The following H1-6 variants were observed in gnomAD, a reference collection of about 807,000 sequenced individuals.
H1-6 encodes histone H1t.
For missense variants in H1-6, 538 were observed against 246.5 expected, an observed-to-expected ratio of 2.18 and a Z score of -7.92; for synonymous variants, 225 against 100.1, an observed-to-expected ratio of 2.25 and a Z score of -7.45.
At position 26,107,984 on chromosome 6, in the gene H1-6, C is replaced by T. The variant is rs760119608; in HGVS notation, c.110G>A (p.Arg37His). 1.9e-5 allele frequency: 30 copies of T among 1,614,078 alleles called. No homozygotes were observed. The highest frequency in any genetic ancestry group is 5.0e-5 in the Admixed American group (3 of 60,006). Residue 37 changes from arginine (R) to histidine (H), a missense_variant, in exon 1 of 1, where the codon CGC becomes CAC. By Grantham distance (29) the Arg-to-His change is conservative. Coordinates refer to ENST00000338379, the MANE Select transcript of H1-6 (RefSeq NM_005323.4). Reference sequence around the variant, plus strand: ...GGACACAGAGAGGTTCGGCACTTTGCGACTTGCACTTATCAAGCCAGCCGG... The same window carrying T: ...GGACACAGAGAGGTTCGGCACTTTGTGACTTGCACTTATCAAGCCAGCCGG... ...RKPAGLISAS[R>H]KVPNLSVSKL...
Position 26,108,134 on chromosome 6 carries a change from A to G in H1-6, c.-41T>C, listed in dbSNP as rs763563413. On this transcript the variant is annotated 5_prime_UTR_variant, in exon 1 of 1. The change abolishes an upstream ATG in the 5' untranslated region. Transcript: ENST00000338379. ...CAAGATGTAATAACCAGCGAAAAGC[A>G]TGAAACACCCGGGCGGCCTCGGGGC... 1.6e-5 allele frequency: 25 copies of G among 1,598,448 alleles called. No individual in the cohort carries two copies. Among genetic ancestry groups the G allele is most frequent in the Admixed American group, 3.4e-5 (2 of 58,858 alleles).
Position 26,108,087 on chromosome 6 carries a change from C to G in H1-6, c.7G>C (p.Glu3Gln), listed in dbSNP as rs1763312727. The change falls in exon 1 of 1, where the codon GAA becomes CAA. Residue 3 changes from glutamate (E) to glutamine (Q), a missense_variant. Glu to Gln is a conservative substitution (Grantham distance 29, BLOSUM62 2). Transcript: ENST00000338379. MS[E>Q]TVPAASASAG... Reference sequence around the variant, plus strand: ...CTGGCAGAAGCTGCAGGCACGGTTTCAGACATAACAACAGAGAAACGCAAG... The same window carrying G: ...CTGGCAGAAGCTGCAGGCACGGTTTGAGACATAACAACAGAGAAACGCAAG... The G allele has an allele frequency of 6.2e-7, 1 of 1,613,768 alleles. No individual in the cohort carries two copies. The highest frequency in any genetic ancestry group is 2.2e-5 in the East Asian group (1 of 44,870).
In H1-6 at chr6:26,108,047, G is replaced by A. The variant is rs745789402; in HGVS notation, c.47C>T (p.Ala16Val). ...CTTCTTGGTTGGAAGTTTCTCCATAGCGGCTACACCAGCACTGGCAGAAGC... is the reference window on the plus strand; with the variant it reads ...CTTCTTGGTTGGAAGTTTCTCCATAACGGCTACACCAGCACTGGCAGAAGC... ...PAASASAGVA[A>V]MEKLPTKKRG... Residue 16 changes from alanine to valine, a missense_variant, in exon 1 of 1, where the codon GCT (alanine) becomes GTT (valine). By Grantham distance (64) the Ala-to-Val change is moderately conservative. Transcript: ENST00000338379. 6 of 1,614,182 alleles carry A rather than the reference G, an allele frequency of 3.7e-6. No individual in the cohort carries two copies. Among genetic ancestry groups the A allele is most frequent in the Non-Finnish European group, 5.1e-6 (6 of 1,180,022 alleles).
In H1-6 at chr6:26,108,048, C is replaced by A. The variant is rs769794056; in HGVS notation, c.46G>T (p.Ala16Ser). Reference sequence around the variant, plus strand: ...TTCTTGGTTGGAAGTTTCTCCATAGCGGCTACACCAGCACTGGCAGAAGCT... The same window carrying A: ...TTCTTGGTTGGAAGTTTCTCCATAGAGGCTACACCAGCACTGGCAGAAGCT... ...PAASASAGVAAMEKLPTKKRG... is the reference protein window; with the variant it reads ...PAASASAGVASMEKLPTKKRG... Residue 16 changes from alanine to serine, a missense_variant, in exon 1 of 1, where the codon GCT (alanine) becomes TCT (serine). Physicochemically the swap from Ala to Ser is moderately conservative, Grantham distance 99. Transcript: ENST00000338379. 21 of 1,614,016 alleles carry A rather than the reference C, an allele frequency of 1.3e-5. No homozygotes were observed. In the East Asian group the frequency reaches 4.0e-4, roughly 31 times the overall value.
Position 26,107,897 on chromosome 6 carries a change from A to G in H1-6, c.197T>C (p.Leu66Pro). Residue 66 changes from leucine to proline, a missense_variant, in exon 1 of 1, where the codon CTC becomes CCC. Transcript: ENST00000338379. ...GCCAGCAGCGGCCAATGCCTTCTTG[A>G]GCGCAACCAAAGACATACCTACTCG... The part of the protein sequence containing the change: ...QERVGMSLVA[L>P]KKALAAAGYD... The G allele has an allele frequency of 6.2e-7, 1 of 1,614,226 alleles. No homozygotes were observed.
rs1157639961 is a variant in H1-6, at chr6:26,107,587, C to T, written c.507G>A (p.Lys169=). 4 of 1,614,062 alleles carry T rather than the reference C, an allele frequency of 2.5e-6. No individual in the cohort carries two copies. In the African/African-American group the frequency reaches 5.3e-5, roughly 22 times the overall value. Residue 169 remains lysine (K), a synonymous_variant, in exon 1 of 1, where the codon AAG becomes AAA. Coordinates refer to ENST00000338379, the MANE Select transcript of H1-6 (RefSeq NM_005323.4). ...TTPKTVRSGR[K]AKGAKGKQQQ... Reference sequence around the variant, plus strand: ...GTTGCTTACCCTTGGCTCCTTTAGCCTTTCTCCCGCTCCTAACAGTTTTAG... The same window carrying T: ...GTTGCTTACCCTTGGCTCCTTTAGCTTTTCTCCCGCTCCTAACAGTTTTAG...
chr6:26,108,040 C>A lies in H1-6; in HGVS notation c.54G>T (p.Glu18Asp). 1.2e-6 allele frequency: 2 copies of A among 1,614,206 alleles called. No homozygotes were observed. Among genetic ancestry groups the A allele is most frequent in the South Asian group, 1.1e-5 (1 of 91,084 alleles). Residue 18 changes from glutamate (E) to aspartate (D), a missense_variant, in exon 1 of 1, where the codon GAG (glutamate) becomes GAT (aspartate). By Grantham distance (45) the Glu-to-Asp change is conservative. Coordinates refer to ENST00000338379, the MANE Select transcript of H1-6 (RefSeq NM_005323.4). Reference sequence around the variant, plus strand: ...TCCCTCGCTTCTTGGTTGGAAGTTTCTCCATAGCGGCTACACCAGCACTGG... The same window carrying A: ...TCCCTCGCTTCTTGGTTGGAAGTTTATCCATAGCGGCTACACCAGCACTGG... ...ASASAGVAAMEKLPTKKRGRK... is the reference protein window; with the variant it reads ...ASASAGVAAMDKLPTKKRGRK...
rs778073710 is a variant in H1-6 at position 26,107,618 on chromosome 6, G to T, written c.476C>A (p.Thr159Lys). 6.2e-7 allele frequency: 1 copy of T among 1,614,162 alleles called. No individual in the cohort carries two copies. The highest frequency in any genetic ancestry group is 8.5e-7 in the Non-Finnish European group (1 of 1,180,034). The change falls in exon 1 of 1, where the codon ACA becomes AAA. Residue 159 changes from threonine to lysine, a missense_variant. Thr to Lys is a moderately conservative substitution (Grantham distance 78, BLOSUM62 -1). Coordinates refer to ENST00000338379, the MANE Select transcript of H1-6 (RefSeq NM_005323.4). ...CCCGCTCCTAACAGTTTTAGGAGTT[G>T]TCGCTCTCGGCTTCTTGGCTCTCTT... The part of the protein sequence containing the change: ...TNKRAKKPRA[T>K]TPKTVRSGRK...
Position 26,108,058 on chromosome 6 carries a change from A to C in H1-6, c.36T>G (p.Ala12=), listed in dbSNP as rs1561951295. The part of the protein sequence containing the change: ...SETVPAASAS[A]GVAAMEKLPT... Reference sequence around the variant, plus strand: ...GAAGTTTCTCCATAGCGGCTACACCAGCACTGGCAGAAGCTGCAGGCACGG... The same window carrying C: ...GAAGTTTCTCCATAGCGGCTACACCCGCACTGGCAGAAGCTGCAGGCACGG... The change falls in exon 1 of 1, where the codon GCT becomes GCG. Residue 12 remains alanine, a synonymous_variant. Transcript: ENST00000338379. The C allele has an allele frequency of 6.2e-7, 1 of 1,614,072 alleles. No individual in the cohort carries two copies. The highest frequency in any genetic ancestry group is 8.5e-7 in the Non-Finnish European group (1 of 1,180,030).
chr6:26,107,565 G>A lies in H1-6; in HGVS notation c.529C>T (p.Gln177Ter), dbSNP rs76722423. 4 of 1,613,954 alleles carry A rather than the reference G, an allele frequency of 2.5e-6. No homozygotes were observed. Among genetic ancestry groups the A allele is most frequent in the East Asian group, 2.2e-5 (1 of 44,896 alleles). ...GCCTTCACTGGGCTCTTCTGCTGTT[G>A]CTTACCCTTGGCTCCTTTAGCCTTT... Reference protein sequence around the residue: ...GRKAKGAKGKQQQKSPVKARA... With the variant: ...GRKAKGAKGK The change falls in exon 1 of 1, where the codon CAA (glutamine) becomes TAA (stop). Residue 177 changes from glutamine to a stop codon, truncating the protein, a stop_gained. Transcript: ENST00000338379. LOFTEE classifies it low-confidence loss of function (END_TRUNC).
In H1-6 at chr6:26,107,622, C is replaced by T; in HGVS notation, c.472G>A (p.Ala158Thr). 1.2e-6 allele frequency: 2 copies of T among 1,614,176 alleles called. No homozygotes were observed. The highest frequency in any genetic ancestry group is 1.7e-5 in the Admixed American group (1 of 60,014). ...KTNKRAKKPRATTPKTVRSGR... is the reference protein window; with the variant it reads ...KTNKRAKKPRTTTPKTVRSGR... Reference sequence around the variant, plus strand: ...CTCCTAACAGTTTTAGGAGTTGTCGCTCTCGGCTTCTTGGCTCTCTTATTG... The same window carrying T: ...CTCCTAACAGTTTTAGGAGTTGTCGTTCTCGGCTTCTTGGCTCTCTTATTG... The change falls in exon 1 of 1, where the codon GCG becomes ACG. Residue 158 changes from alanine to threonine, a missense_variant. Coordinates refer to ENST00000338379, the MANE Select transcript of H1-6 (RefSeq NM_005323.4).
At position 26,107,902 on chromosome 6, in the gene H1-6, A is replaced by G. The variant is rs1763299485; in HGVS notation, c.192T>C (p.Val64=). ...VSQERVGMSL[V]ALKKALAAAG... Reference sequence around the variant, plus strand: ...CAGCGGCCAATGCCTTCTTGAGCGCAACCAAAGACATACCTACTCGTTCCT... The same window carrying G: ...CAGCGGCCAATGCCTTCTTGAGCGCGACCAAAGACATACCTACTCGTTCCT... Residue 64 remains valine (V), a synonymous_variant, in exon 1 of 1, where the codon GTT becomes GTC. Transcript: ENST00000338379. 1 of 1,614,088 alleles carries G rather than the reference A, an allele frequency of 6.2e-7. No individual in the cohort carries two copies. Among genetic ancestry groups the G allele is most frequent in the African/African-American group, 1.3e-5 (1 of 74,924 alleles).
At position 26,107,594 on chromosome 6, in the gene H1-6, C is replaced by T. The variant is rs1384996067; in HGVS notation, c.500G>A (p.Gly167Glu). The T allele has an allele frequency of 1.9e-6, 3 of 1,614,190 alleles. No homozygotes were observed. The highest frequency in any genetic ancestry group is 1.7e-5 in the Admixed American group (1 of 60,024). ...ACCCTTGGCTCCTTTAGCCTTTCTC[C>T]CGCTCCTAACAGTTTTAGGAGTTGT... ...RATTPKTVRS[G>E]RKAKGAKGKQ... is the part of the protein sequence containing the mutation. The change falls in exon 1 of 1, where the codon GGG (glycine) becomes GAG (glutamate). Residue 167 changes from glycine (G) to glutamate (E), a missense_variant. Physicochemically the swap from Gly to Glu is moderately conservative, Grantham distance 98. Coordinates refer to ENST00000338379, the MANE Select transcript of H1-6 (RefSeq NM_005323.4).
rs1292688890 is a variant in H1-6, at chr6:26,107,613, G to A, written c.481C>T (p.Pro161Ser). 1.2e-6 allele frequency: 2 copies of A among 1,614,034 alleles called. No individual in the cohort carries two copies. Among genetic ancestry groups the A allele is most frequent in the South Asian group, 1.1e-5 (1 of 91,090 alleles). ...KRAKKPRATT[P>S]KTVRSGRKAK... Reference sequence around the variant, plus strand: ...TTTCTCCCGCTCCTAACAGTTTTAGGAGTTGTCGCTCTCGGCTTCTTGGCT... The same window carrying A: ...TTTCTCCCGCTCCTAACAGTTTTAGAAGTTGTCGCTCTCGGCTTCTTGGCT... The change falls in exon 1 of 1, where the codon CCT becomes TCT. Residue 161 changes from proline (P) to serine (S), a missense_variant. Pro to Ser is a moderately conservative substitution (Grantham distance 74, BLOSUM62 -1). Transcript: ENST00000338379.
Position 26,107,941 on chromosome 6 carries a change from G to T in H1-6, c.153C>A (p.Ala51=), listed in dbSNP as rs567017585. The T allele has an allele frequency of 6.9e-5, 111 of 1,614,158 alleles. 1 individual carries two copies. The South Asian group carries it at 8.6e-4, about 12-fold the overall frequency. ...CTACTCGTTCCTGTGACACTGAAAG[G>T]GCCTCGGTGATCAACTTGGACACAG... ...NLSVSKLITE[A]LSVSQERVGM... Residue 51 remains alanine, a synonymous_variant, in exon 1 of 1, where the codon GCC becomes GCA. Transcript: ENST00000338379.
Position 26,107,515 on chromosome 6 carries a change from G to T in H1-6, c.579C>A (p.Thr193=), listed in dbSNP as rs754811298. 6.2e-6 allele frequency: 10 copies of T among 1,610,518 alleles called. No homozygotes were observed. The highest frequency in any genetic ancestry group is 7.6e-6 in the Non-Finnish European group (9 of 1,178,916). Residue 193 remains threonine (T), a synonymous_variant, in exon 1 of 1, where the codon ACC becomes ACA. Coordinates refer to ENST00000338379, the MANE Select transcript of H1-6 (RefSeq NM_005323.4). ...VKARASKSKL[T]QHHEVNVRKA... The stretch of plus-strand genomic sequence containing the variant: ...TTCTAACATTAACTTCATGATGTTG[G>T]GTCAATTTTGACTTCGAAGCCCTTG...
rs1328073629 is a variant in H1-6 at position 26,107,774 on chromosome 6, C to T, written c.320G>A (p.Gly107Asp). The change falls in exon 1 of 1, where the codon GGT (glycine) becomes GAT (aspartate). Residue 107 changes from glycine (G) to aspartate (D), a missense_variant. By Grantham distance (94) the Gly-to-Asp change is moderately conservative. Transcript: ENST00000338379. ...CACCTTCTTACTAAGCTTAAAGGAA[C>T]CGGAAGCACCAGTACCCCTGGTTTG... ...LVQTRGTGAS[G>D]SFKLSKKVIP... 3 of 1,614,082 alleles carry T rather than the reference C, an allele frequency of 1.9e-6. No homozygotes were observed. The highest frequency in any genetic ancestry group is 2.5e-6 in the Non-Finnish European group (3 of 1,180,044).
Position 26,107,683 on chromosome 6 carries a change from T to TA in H1-6, c.410dup (p.Leu137PhefsTer12). ...TCTTTGGTGACTTGGAGTCCCTGGA[T>TA]AAAACCAGCTTCTTGGTCTTGGCAG... On this transcript the variant is annotated frameshift_variant, in exon 1 of 1. Transcript: ENST00000338379. LOFTEE classifies it low-confidence loss of function (END_TRUNC). 6.2e-7 allele frequency: 1 copy of TA among 1,614,218 alleles called. No individual in the cohort carries two copies. The highest frequency in any genetic ancestry group is 8.5e-7 in the Non-Finnish European group (1 of 1,180,040).
chr6:26,108,026 T>C lies in H1-6; in HGVS notation c.68A>G (p.Lys23Arg), dbSNP rs1561951246. Reference sequence around the variant, plus strand: ...GCCAGCCGGCTTCCTCCCTCGCTTCTTGGTTGGAAGTTTCTCCATAGCGGC... The same window carrying C: ...GCCAGCCGGCTTCCTCCCTCGCTTCCTGGTTGGAAGTTTCTCCATAGCGGC... ...GVAAMEKLPT[K>R]KRGRKPAGLI... is the part of the protein sequence containing the mutation. Residue 23 changes from lysine to arginine, a missense_variant, in exon 1 of 1, where the codon AAG (lysine) becomes AGG (arginine). Transcript: ENST00000338379. 5.0e-6 allele frequency: 8 copies of C among 1,614,200 alleles called. No homozygotes were observed. The highest frequency in any genetic ancestry group is 5.9e-6 in the Non-Finnish European group (7 of 1,180,022).
Sources: allele counts gnomAD v4.1 joint callset, GRCh38; gene constraint gnomAD v4.1.1; transcripts MANE v1.5; gene names NCBI Gene and HGNC (gene_info 2026-07-23, HGNC 2026-07-21).